ANKRD26: variants seen among roughly 807,000 people sequenced by gnomAD.
ANKRD26 encodes ankyrin repeat domain 26.
Under a neutral mutation model 208.7 loss-of-function variants are expected in ANKRD26, and 141 were observed. The ratio of observed to expected loss-of-function variants is 0.68; its 90% confidence interval spans 0.59 to 0.78. ANKRD26 has a LOEUF of 0.78. Among genes scored for constraint, ANKRD26 ranks in the 30% least tolerant of loss-of-function variants. The pLI, the probability that ANKRD26 is intolerant of heterozygous loss-of-function variation, is 0.00. For missense variants in ANKRD26, 1,889 were observed against 1,938.7 expected, an observed-to-expected ratio of 0.97 and a Z score of 0.48; for synonymous variants, 636 against 660.4, an observed-to-expected ratio of 0.96 and a Z score of 0.57.
intron 30 of ANKRD26, among the ~76,000 whole-genome samples, chr10:27,016,707 G>A (rs12253146): frequency 0.018 from 2,751 of 152,156 alleles, 71 homozygotes; most frequent in African/African-American, 0.062. Flanking sequence ...TCTGTTGAGA[G>A]GGTGGTTAAG....
chr10:27,082,099 T>C (rs1410711390), intron 6 of ANKRD26, among the ~76,000 whole-genome samples: 1 of 143,196 alleles, frequency 7.0e-6, no homozygotes. Flanking sequence ...CAAAATCATA[T>C]CCTTTCCAGC....
At chr10:27,003,471 G>A (rs889276237), downstream of ANKRD26, among the ~76,000 whole-genome samples, 3 of 152,090 alleles carry the variant, frequency 2.0e-5, no homozygotes, top group South Asian at 6.2e-4. Context: ...TTATCTTGTG[G>A]GTGAAGTTCT....
At chr10:27,018,920 G>C (rs1298310161) in intron 29 of ANKRD26, among the ~76,000 whole-genome samples, 6 of 152,116 alleles carry the variant, frequency 3.9e-5, no homozygotes. Flanking sequence ...TCAGGACATT[G>C]GTCTAGGCAA....
chr10:27,001,270 A>G (rs2052718679), downstream of ANKRD26, among the ~76,000 whole-genome samples: 1 of 152,098 alleles, frequency 6.6e-6, no homozygotes, highest in South Asian at 2.1e-4. Context: ...ATAAAATGAG[A>G]AGGGCCTAAG....
intron 17 of ANKRD26, among the ~76,000 whole-genome samples, chr10:27,047,405 G>C (rs2054486718): frequency 6.6e-6 from 1 of 152,036 alleles, no homozygotes; most frequent in South Asian, 2.1e-4. Context: ...TGGATCATGA[G>C]GTCAGGAGTT....
intron 4 of ANKRD26, among the ~76,000 whole-genome samples, chr10:26,996,281 G>A (rs1279388223): frequency 1.3e-5 from 2 of 152,106 alleles, no homozygotes; most frequent in Non-Finnish European, 2.9e-5. Context: ...AAAAAAAAAG[G>A]CCGGGCACAG....
At chr10:27,030,110 C>T (rs2053815211) in intron 25 of ANKRD26, among the ~76,000 whole-genome samples, 1 of 152,118 alleles carries the variant, frequency 6.6e-6, no homozygotes, top group South Asian at 2.1e-4. Flanking sequence ...ATTCTTTTTA[C>T]TGTATTTTAT....
rs540617841 is a variant in ANKRD26, at chr10:27,004,941, A to G, written c.*649T>C. 32 of 696,160 alleles carry G rather than the reference A, an allele frequency of 4.6e-5. No individual in the cohort carries two copies. In the African/African-American group the frequency reaches 6.0e-4, roughly 13 times the overall value. The allele number at this position is 696,160 out of a possible 1,614,324, so 43.1% of individuals were successfully genotyped here. A position where few individuals can be genotyped will look rare whatever the true frequency, so the allele number is the denominator to read the frequency against. On this transcript the variant is annotated 3_prime_UTR_variant, in exon 34 of 34. Coordinates refer to ENST00000376087, the MANE Select transcript of ANKRD26 (RefSeq NM_014915.3). The stretch of plus-strand genomic sequence containing the variant: ...AATGTCCTGACTTGTAGGAATGCCC[A>G]CTAAAGTAATCAGGGGTGATGACAT...
At chr10:26,996,853 G>C (rs922691605) in intron 4 of ANKRD26, among the ~76,000 whole-genome samples, 13 of 152,102 alleles carry the variant, frequency 8.5e-5, no homozygotes, top group African/African-American at 2.9e-4. Context: ...ACGGCTCCTT[G>C]CCTTTTATTT....
chr10:26,975,862 A>T (rs1011852086), exon 6 of ANKRD26, among the ~76,000 whole-genome samples: 1 of 151,176 alleles, frequency 6.6e-6, no homozygotes, highest in Middle Eastern at 3.2e-3. Context: ...AATAAATAAT[A>T]AATAAATAAA....
chr10:26,963,952 C>T, the ANKRD26 span, among the ~76,000 whole-genome samples: 353 of 112,668 alleles, frequency 3.1e-3, 4 homozygotes, highest in South Asian at 0.017. Context: ...TTTTGAGACA[C>T]CCAGGCTGGA....
In ANKRD26 at chr10:27,093,350, T is replaced by G. The variant is rs748943765; in HGVS notation, c.530A>C (p.Lys177Thr). The change falls in exon 3 of 34, where the codon AAG becomes ACG. Residue 177 changes from lysine (K) to threonine (T), a missense_variant and splice_region_variant. Transcript: ENST00000376087. ...AAAATAAAGTTGGTTGATCTATACCTTGTTTTTTGCTTCAATATTTGCATC... is the reference window on the plus strand; with the variant it reads ...AAAATAAAGTTGGTTGATCTATACCGTGTTTTTTGCTTCAATATTTGCATC... ...LYDANIEAKN[K>T]DDLTPLLLAV... 1 of 1,613,596 alleles carries G rather than the reference T, an allele frequency of 6.2e-7. No individual in the cohort carries two copies. The highest frequency in any genetic ancestry group is 1.1e-5 in the South Asian group (1 of 91,052).
At chr10:26,963,475 C>A in the ANKRD26 span, among the ~76,000 whole-genome samples, 1 of 152,132 alleles carries the variant, frequency 6.6e-6, no homozygotes, top group Non-Finnish European at 1.5e-5. Context: ...TGTATTCTGA[C>A]GAACACCTAG....
At chr10:26,951,013 C>CTTTTTTTTTTTTTTTTTTTTT in the ANKRD26 span, among the ~76,000 whole-genome samples, 47 of 100,912 alleles carry the variant, frequency 4.7e-4, 7 homozygotes, top group African/African-American at 2.4e-3. Context: ...CTTTTCTTTT[C>CTTTTTTTTTTTTTTTTTTTTT]TTTTTCTTTT....
chr10:27,037,422 T>C (rs1251834208), intron 22 of ANKRD26, 99 bp from the exon 23 acceptor site: 7 of 1,296,368 alleles, frequency 5.4e-6, no homozygotes, highest in African/African-American at 1.5e-5. Context: ...AAAAAGGAAA[T>C]AGCACATTAA....
intron 9 of ANKRD26, among the ~76,000 whole-genome samples, chr10:27,076,566 C>CT (rs1554791772): frequency 5.3e-5 from 8 of 151,612 alleles, no homozygotes; most frequent in Non-Finnish European, 7.4e-5. Flanking sequence ...TGCCCAGTAG[C>CT]TTTTTTTTAA....
At chr10:26,953,446 A>C in the ANKRD26 span, among the ~76,000 whole-genome samples, 1 of 152,094 alleles carries the variant, frequency 6.6e-6, no homozygotes, top group Non-Finnish European at 1.5e-5. Flanking sequence ...TAAATAAATA[A>C]ATAATCCTAT....
At chr10:27,033,515 G>T in intron 24 of ANKRD26, 138 bp from the exon 25 acceptor site, 1 of 850,002 alleles carries the variant, frequency 1.2e-6, no homozygotes, top group Non-Finnish European at 1.8e-6. Context: ...TCACCTTCTT[G>T]TCCTCATATG....
chr10:27,033,353 C>T lies in ANKRD26; in HGVS notation c.3679G>A (p.Glu1227Lys). 1 of 1,609,956 alleles carries T rather than the reference C, an allele frequency of 6.2e-7. No individual in the cohort carries two copies. Among genetic ancestry groups the T allele is most frequent in the Non-Finnish European group, 8.5e-7 (1 of 1,177,480 alleles). ...REVVVRQLQQELADTLKKQSM... is the reference protein window; with the variant it reads ...REVVVRQLQQKLADTLKKQSM... ...TGTTTTTTTAGGGTATCAGCTAGTT[C>T]TTGTTGAAGTTGTCTCACAACAACC... is the stretch of plus-strand genomic sequence containing the variant. The change falls in exon 25 of 34, where the codon GAA becomes AAA. Residue 1227 changes from glutamate to lysine, a missense_variant. Transcript: ENST00000376087.
Sources: gnomAD v4.1 joint callset for allele counts (sites outside exome capture counted in the v4.1 genomes callset) on GRCh38, gnomAD v4.1.1 for gene constraint, MANE v1.5 for transcripts, NCBI Gene and HGNC (gene_info 2026-07-23, HGNC 2026-07-21) for gene names.